Variants in MEGF6 observed in about 807,000 individuals in gnomAD.
The protein encoded by MEGF6 is multiple EGF like domains 6, also known as multiple epidermal growth factor-like domains protein 6.
MEGF6 carries 184 observed loss-of-function variants against 207.1 expected under a neutral mutation model. That is an observed-to-expected ratio of 0.89 (90% CI 0.79 to 1.00). The LOEUF is 1.00. Among genes scored for constraint, MEGF6 ranks in the 50% least tolerant of loss-of-function variants. The probability of loss-of-function intolerance (pLI) is 0.00; values close to 1 mark genes in which losing one functional copy is unlikely to be tolerated. For synonymous variants in MEGF6, 1,038 were observed against 910.0 expected, an observed-to-expected ratio of 1.14 and a Z score of -2.53; for missense variants, 2,282 against 2,202.9, an observed-to-expected ratio of 1.04 and a Z score of -0.72.
Position 3,515,412 on chromosome 1 carries a change from C to A in MEGF6, c.720G>T (p.Arg240Ser). The change falls in exon 6 of 37, where the codon AGG becomes AGT. Residue 240 changes from arginine (R) to serine (S), a missense_variant. By Grantham distance (110) the Arg-to-Ser change is moderately radical. Transcript: ENST00000356575. The stretch of plus-strand genomic sequence containing the variant: ...GCTGGCAGCACTCACGGACACAATG[C>A]CTGCCGTCCTCCTGGAGCTGGAACC... ...RPGFQLQEDG[R>S]HCVRRSPCAN... 6.2e-7 allele frequency: 1 copy of A among 1,611,638 alleles called. No homozygotes were observed. Among genetic ancestry groups the A allele is most frequent in the Non-Finnish European group, 8.5e-7 (1 of 1,179,508 alleles).
At chr1:3,602,443 C>T in intron 2 of MEGF6, 23 bp downstream of exon 2, 1 of 1,613,068 alleles carries the variant, frequency 6.2e-7, no homozygotes, top group Non-Finnish European at 8.5e-7. Flanking sequence ...AGCCCCTCCC[C>T]CAACACGGGC....
At position 3,560,681 on chromosome 1, in the gene MEGF6, C is replaced by T. The variant is rs750090096; in HGVS notation, c.481+19144G>A. 1 of 454,188 alleles carries T rather than the reference C, an allele frequency of 2.2e-6. No homozygotes were observed. Among genetic ancestry groups the T allele is most frequent in the South Asian group, 1.6e-5 (1 of 63,092 alleles). The allele number at this position is 454,188 out of a possible 1,614,324, so 28.1% of individuals were successfully genotyped here. The stretch of plus-strand genomic sequence containing the variant: ...GGGGGAGGCTGGGTGCCATCAACCC[C>T]TCCCCATCTGTGGTTTCCAGGGCAA... On this transcript the variant is annotated intron_variant, in intron 4 of 36. Coordinates refer to ENST00000356575, the MANE Select transcript of MEGF6 (RefSeq NM_001409.4). This position sits in a 1 kb window ranked among gnomAD's most constrained non-coding sequence, Gnocchi z 4.0.
intron 3 of MEGF6, among the ~76,000 whole-genome samples, chr1:3,580,559 G>A (rs1400668210): frequency 2.6e-5 from 2 of 78,096 alleles, no homozygotes; most frequent in African/African-American, 5.9e-5. Flanking sequence ...CAGGGGCTCT[G>A]GAGAGAGAGG....
At chr1:3,555,016 G>A (rs1344542871) in intron 4 of MEGF6, among the ~76,000 whole-genome samples, 4 of 152,120 alleles carry the variant, frequency 2.6e-5, no homozygotes, top group Admixed American at 2.0e-4. Flanking sequence ...GGTCCTGCCC[G>A]GCCCTCTCCC....
chr1:3,610,928 G>T (rs1644316277), intron 1 of MEGF6, among the ~76,000 whole-genome samples: 1 of 151,444 alleles, frequency 6.6e-6, no homozygotes, highest in African/African-American at 2.4e-5. Context: ...GGGAGGGGGG[G>T]AGGGGACACG....
intron 4 of MEGF6, among the ~76,000 whole-genome samples, chr1:3,562,031 G>A (rs544010079): frequency 4.6e-5 from 7 of 152,320 alleles, no homozygotes; most frequent in African/African-American, 1.4e-4. Flanking sequence ...GGAGGCCAGC[G>A]TCATGCTTAG....
At chr1:3,494,824 T>C in intron 30 of MEGF6, 83 bp from the exon 31 acceptor site, 2 of 1,453,756 alleles carry the variant, frequency 1.4e-6, no homozygotes, top group Non-Finnish European at 1.8e-6. Flanking sequence ...AGGCTGACAG[T>C]CACTCGGTAA....
intron 2 of MEGF6, among the ~76,000 whole-genome samples, chr1:3,602,056 G>T (rs1644168692): frequency 6.6e-6 from 1 of 152,248 alleles, no homozygotes; most frequent in African/African-American, 2.4e-5. Context: ...CTCAAGTTCG[G>T]TGTTGAAATA....
intron 6 of MEGF6, 122 bp downstream of exon 6, chr1:3,515,280 C>A: frequency 1.6e-6 from 2 of 1,233,988 alleles, no homozygotes; most frequent in South Asian, 2.9e-5. Flanking sequence ...TGTGCCATCC[C>A]TACCAGGCCT....
chr1:3,524,363 C>T, intron 4 of MEGF6, 117 bp from the exon 5 acceptor site: 2 of 1,320,560 alleles, frequency 1.5e-6, no homozygotes, highest in South Asian at 2.8e-5. Flanking sequence ...TCGAGGGCAC[C>T]ACCCATGAGC....
intron 4 of MEGF6, among the ~76,000 whole-genome samples, chr1:3,531,860 C>T (rs1557755573): frequency 6.6e-6 from 1 of 151,230 alleles, no homozygotes; most frequent in Non-Finnish European, 1.5e-5. Context: ...CCTGCAGAGG[C>T]GGCTGGTGGG....
At chr1:3,588,732 GCT>G (rs1294571266) in intron 3 of MEGF6, among the ~76,000 whole-genome samples, 1 of 152,028 alleles carries the variant, frequency 6.6e-6, no homozygotes, top group Non-Finnish European at 1.5e-5. Flanking sequence ...CCGGGCCCAA[GCT>G]CTCTAGACTC....
At chr1:3,568,373 T>C (rs187781347) in intron 4 of MEGF6, among the ~76,000 whole-genome samples, 36 of 148,428 alleles carry the variant, frequency 2.4e-4, no homozygotes, top group African/African-American at 8.9e-4. Context: ...TGGTCCTAGG[T>C]CCCACATGGG....
Position 3,493,839 on chromosome 1 carries a change from GCC to G in MEGF6, c.4317_4318del (p.Ala1440ThrfsTer3), listed in dbSNP as rs759225724. The G allele has an allele frequency of 1.2e-6, 2 of 1,605,266 alleles. No individual in the cohort carries two copies. Among genetic ancestry groups the G allele is most frequent in the Admixed American group, 1.7e-5 (1 of 58,904 alleles). On this transcript the variant is annotated frameshift_variant, in exon 34 of 37. Coordinates refer to ENST00000356575, the MANE Select transcript of MEGF6 (RefSeq NM_001409.4). LOFTEE classifies it high-confidence loss of function. ...GAGACCGGTGACAGGGTCACAGGGT[GCC>G]CCCCCGTCACAGTCACAGCGCTGGT... is the stretch of plus-strand genomic sequence containing the variant.
At chr1:3,523,083 G>C (rs551196179) in intron 5 of MEGF6, among the ~76,000 whole-genome samples, 11 of 152,100 alleles carry the variant, frequency 7.2e-5, no homozygotes, top group African/African-American at 9.6e-5. Flanking sequence ...CCGGGGGGGG[G>C]GCCCCAGGGC....
chr1:3,500,657 A>T lies in MEGF6; in HGVS notation c.2683T>A (p.Tyr895Asn). 6.4e-7 allele frequency: 1 copy of T among 1,566,332 alleles called. No individual in the cohort carries two copies. Among genetic ancestry groups the T allele is most frequent in the Non-Finnish European group, 8.7e-7 (1 of 1,155,850 alleles). Residue 895 changes from tyrosine to asparagine, a missense_variant, in exon 21 of 37, where the codon TAC (tyrosine) becomes AAC (asparagine). Tyr to Asn is a moderately radical substitution (Grantham distance 143). Transcript: ENST00000356575. ...ISGLCLCEAG[Y>N]VGPRCEQQCP... ...CGCTGCTCGCACCGCGGGCCCACGT[A>T]GCCAGCCTCACACAGACACAGGCCG...
Position 3,560,144 on chromosome 1 carries a change from T to C in MEGF6, c.481+19681A>G, listed in dbSNP as rs1345857777. 6.6e-6 allele frequency among the ~76,000 whole-genome samples: 1 copy of C among 151,826 alleles called. No homozygotes were observed. The highest frequency in any genetic ancestry group is 6.6e-5 in the Admixed American group (1 of 15,260). On this transcript the variant is annotated intron_variant, in intron 4 of 36. Transcript: ENST00000356575. The surrounding 1 kb of genome is among the most constrained non-coding windows in gnomAD (Gnocchi z 4.0). ...CAAAGAAGGCTGGGCTTTTTTTTTT[T>C]CTTTTAACTAATAGATTTTATTTTT...
intron 4 of MEGF6, among the ~76,000 whole-genome samples, chr1:3,530,140 C>T (rs1463118247): frequency 6.6e-6 from 1 of 152,250 alleles, no homozygotes; most frequent in Non-Finnish European, 1.5e-5. Context: ...CTGGCCTTGG[C>T]TGAGCCGCCC....
At chr1:3,564,081 G>C (rs1021120855) in intron 4 of MEGF6, among the ~76,000 whole-genome samples, 12 of 152,040 alleles carry the variant, frequency 7.9e-5, no homozygotes, top group African/African-American at 2.7e-4. Context: ...TGTCAGTCCT[G>C]CCGGGCTACC....
Sources: allele counts gnomAD v4.1 joint callset (sites outside exome capture counted in the v4.1 genomes callset), GRCh38; gene constraint gnomAD v4.1.1; non-coding constraint Gnocchi (gnomAD v3.1); transcripts MANE v1.5; gene names NCBI Gene and HGNC (gene_info 2026-07-23, HGNC 2026-07-21).